KLHL29: variants seen among roughly 807,000 people sequenced by gnomAD.
KLHL29 encodes kelch-like protein 29.
Under a neutral mutation model 80.4 loss-of-function variants are expected in KLHL29, and 21 were observed. That is an observed-to-expected ratio of 0.26 (90% CI 0.19 to 0.38). KLHL29 has a LOEUF of 0.38. Ranked by LOEUF, KLHL29 falls within the 10% of genes least tolerant of loss-of-function variation. The probability of loss-of-function intolerance (pLI) is 1.00; values close to 1 mark genes in which losing one functional copy is unlikely to be tolerated. For missense variants in KLHL29, 867 were observed against 1,223.9 expected (o/e 0.71, Z 4.35); for synonymous variants, 511 against 526.8 (o/e 0.97, Z 0.41).
At chr2:23,532,586 T>G (rs1436820515) in intron 2 of KLHL29, 2 of 456,728 alleles carry the variant, frequency 4.4e-6, no homozygotes, top group Admixed American at 2.3e-5. Context: ...GCTAAAACAC[T>G]TCCTTCAAGA....
At chr2:23,507,702 C>T (rs760357708) in intron 2 of KLHL29, among the ~76,000 whole-genome samples, 4 of 152,192 alleles carry the variant, frequency 2.6e-5, no homozygotes, top group Non-Finnish European at 2.9e-5. Context: ...GGCCTCACTT[C>T]GGGCCTGACC....
chr2:23,664,229 T>TA (rs1670495276), intron 5 of KLHL29, among the ~76,000 whole-genome samples: 1 of 152,150 alleles, frequency 6.6e-6, no homozygotes, highest in East Asian at 1.9e-4. Flanking sequence ...TGACCATGAT[T>TA]AATACACTGC....
At chr2:23,550,487 C>G (rs1042683885) in intron 2 of KLHL29, among the ~76,000 whole-genome samples, 8 of 152,184 alleles carry the variant, frequency 5.3e-5, no homozygotes, top group African/African-American at 1.7e-4. Context: ...GCATTCACTC[C>G]GGACAGGGAT....
rs1318354619 is a variant in KLHL29, at chr2:23,421,528, GT to G, written c.-154+35749del. ...GGAAGGAAGGTTTAGACAAGATTGT[GT>G]GTGTGTGTGTGTGTGTGTGTGTGTG... On this transcript the variant is annotated intron_variant, in intron 1 of 13. Transcript: ENST00000486442. Among the ~76,000 whole-genome samples the G allele has an allele frequency of 2.6e-4, 9 of 34,396 alleles. No individual in the cohort carries two copies. In the East Asian group the frequency reaches 5.3e-3, roughly 20 times the overall value. 22.6% of individuals were successfully genotyped at this position (34,396 alleles called of 152,430 possible).
chr2:23,559,301 C>G (rs1199939335), intron 2 of KLHL29, among the ~76,000 whole-genome samples: 5 of 152,036 alleles, frequency 3.3e-5, no homozygotes. Flanking sequence ...TCTGGGCCAC[C>G]ACGAAGAGTT....
chr2:23,521,657 C>T (rs1278460388), intron 2 of KLHL29, among the ~76,000 whole-genome samples: 2 of 152,202 alleles, frequency 1.3e-5, no homozygotes, highest in Admixed American at 6.5e-5. Context: ...CAGCATCCTC[C>T]CCATAGCTAA....
intron 3 of KLHL29, among the ~76,000 whole-genome samples, chr2:23,597,749 G>A (rs1238330261): frequency 1.3e-5 from 2 of 152,106 alleles, no homozygotes; most frequent in Non-Finnish European, 2.9e-5. Flanking sequence ...CTAAAATGAG[G>A]CTCTGTAAGG....
Position 23,631,019 on chromosome 2 carries a change from G to T in KLHL29, c.286-8120G>T, listed in dbSNP as rs571043175. Among the ~76,000 whole-genome samples the T allele has an allele frequency of 2.0e-5, 3 of 152,314 alleles. No individual in the cohort carries two copies. In the South Asian group the frequency reaches 6.2e-4, roughly 32 times the overall value. ...GAAAGGGCACAGGAAGTGATTGGTG[G>T]TTTCCACTTAAAGTATTTACAGATG... On this transcript the variant is annotated intron_variant, in intron 3 of 13. Coordinates refer to ENST00000486442, the MANE Select transcript of KLHL29 (RefSeq NM_052920.2).
chr2:23,558,442 C>T (rs555376615), intron 2 of KLHL29, among the ~76,000 whole-genome samples: 135 of 109,908 alleles, frequency 1.2e-3, no homozygotes, highest in Middle Eastern at 6.1e-3. Flanking sequence ...CACTCTGTCA[C>T]CCAGGCTGGC....
chr2:23,656,228 C>T (rs1001299957), intron 5 of KLHL29, among the ~76,000 whole-genome samples: 12 of 152,170 alleles, frequency 7.9e-5, no homozygotes, highest in African/African-American at 2.4e-4. Flanking sequence ...CCAAGGGGAC[C>T]GTCGCCGGCA....
Position 23,562,367 on chromosome 2 carries a change from C to T in KLHL29, c.171C>T (p.Pro57=), listed in dbSNP as rs1667471743. ...LSVRPGLLPL[P]VVPSRLPTPA... ...TCCGGCCCGGCCTCCTGCCGCTGCCCGTGGTGCCCTCCCGGCTGCCCACCC... is the reference window on the plus strand; with the variant it reads ...TCCGGCCCGGCCTCCTGCCGCTGCCTGTGGTGCCCTCCCGGCTGCCCACCC... Residue 57 remains proline (P), a synonymous_variant, in exon 3 of 14, where the codon CCC becomes CCT. Coordinates refer to ENST00000486442, the MANE Select transcript of KLHL29 (RefSeq NM_052920.2). The surrounding 1 kb of genome is among the most constrained non-coding windows in gnomAD (Gnocchi z 4.5). 5 of 1,541,674 alleles carry T rather than the reference C, an allele frequency of 3.2e-6. No individual in the cohort carries two copies. Among genetic ancestry groups the T allele is most frequent in the East Asian group, 2.4e-5 (1 of 40,826 alleles).
intron 3 of KLHL29, among the ~76,000 whole-genome samples, chr2:23,589,473 C>T (rs576068770): frequency 2.6e-5 from 4 of 152,348 alleles, no homozygotes; most frequent in South Asian, 2.1e-4. Context: ...GGAATCCCGC[C>T]ACCCACCCAC....
chr2:23,580,122 G>A (rs1279810804), intron 3 of KLHL29, among the ~76,000 whole-genome samples: 13 of 152,150 alleles, frequency 8.5e-5, no homozygotes, highest in African/African-American at 2.9e-4. Context: ...TGTAATCCCA[G>A]CACTTTGGGA....
At position 23,601,256 on chromosome 2, in the gene KLHL29, C is replaced by T. The variant is rs78439072; in HGVS notation, c.286-37883C>T. ...GGACCATTGAGGGGGCCCGGCAAGT[C>T]GGGGTACAAGATTTGCTCAGCCGAG... On this transcript the variant is annotated intron_variant, in intron 3 of 13. Coordinates refer to ENST00000486442, the MANE Select transcript of KLHL29 (RefSeq NM_052920.2). 1.8e-4 allele frequency among the ~76,000 whole-genome samples: 28 copies of T among 152,202 alleles called. No homozygotes were observed. The East Asian group carries it at 5.2e-3, about 28-fold the overall frequency.
intron 5 of KLHL29, among the ~76,000 whole-genome samples, chr2:23,656,932 G>GA (rs58320389): frequency 0.013 from 1,391 of 110,046 alleles, 7 homozygotes; most frequent in Admixed American, 0.016. Flanking sequence ...TCCCCAACAG[G>GA]AAAAAAAAAA....
At chr2:23,440,589 G>A (rs1663486737) in intron 1 of KLHL29, among the ~76,000 whole-genome samples, 1 of 151,834 alleles carries the variant, frequency 6.6e-6, no homozygotes, top group East Asian at 1.9e-4. Flanking sequence ...TCTGACAAAG[G>A]GCTAATACCC....
chr2:23,425,847 T>C (rs1257754875), intron 1 of KLHL29, among the ~76,000 whole-genome samples: 1 of 152,154 alleles, frequency 6.6e-6, no homozygotes, highest in Non-Finnish European at 1.5e-5. Flanking sequence ...CACAGGACAA[T>C]AGTGATCCAG....
rs188944231 is a variant in KLHL29, at chr2:23,476,627, C to T, written c.-46+960C>T. On this transcript the variant is annotated intron_variant, in intron 2 of 13. Transcript: ENST00000486442. ...TGGATATAATAGCATACATGATTCA[C>T]TTAATGCCCTAACGATGGACATTTA... 1.3e-3 allele frequency among the ~76,000 whole-genome samples: 191 copies of T among 152,322 alleles called. 1 individual carries two copies. Among genetic ancestry groups the T allele is most frequent in the African/African-American group, 4.3e-3 (177 of 41,570 alleles).
rs989700696 is a variant in KLHL29 at position 23,633,713 on chromosome 2, A to G, written c.286-5426A>G. ...TTAAAAAGATAGGCCCAGGACTGGC[A>G]TAGTGTCGCATCTGACATCTCTGTC... On this transcript the variant is annotated intron_variant, in intron 3 of 13. Coordinates refer to ENST00000486442, the MANE Select transcript of KLHL29 (RefSeq NM_052920.2). 2.8e-5 allele frequency among the ~76,000 whole-genome samples: 4 copies of G among 144,290 alleles called. No individual in the cohort carries two copies. In the South Asian group the frequency reaches 9.2e-4, roughly 33 times the overall value. 94.7% of individuals were successfully genotyped at this position (144,290 alleles called of 152,430 possible).
Sources: gnomAD v4.1 joint callset for allele counts (sites outside exome capture counted in the v4.1 genomes callset) on GRCh38, gnomAD v4.1.1 for gene constraint, Gnocchi (gnomAD v3.1) non-coding constraint, MANE v1.5 for transcripts, NCBI Gene and HGNC (gene_info 2026-07-23, HGNC 2026-07-21) for gene names.